Variants in JCAD observed in about 807,000 individuals in gnomAD.
The protein encoded by JCAD is junctional cadherin 5 associated.
A neutral mutation model predicts 98.0 loss-of-function variants in JCAD; 40 were observed. The observed-to-expected ratio is 0.41, with a 90% confidence interval of 0.32 to 0.53. JCAD has a LOEUF of 0.53. Ranked by LOEUF, JCAD falls within the 20% of genes least tolerant of loss-of-function variation. The probability of loss-of-function intolerance (pLI) is 0.31; values close to 1 mark genes in which losing one functional copy is unlikely to be tolerated. For missense variants in JCAD, 1,705 were observed against 1,738.1 expected, an observed-to-expected ratio of 0.98 and a Z score of 0.34; for synonymous variants, 691 against 682.3, an observed-to-expected ratio of 1.01 and a Z score of -0.20.
At chr10:30,070,524 G>A (rs1837865698) in intron 1 of JCAD, among the ~76,000 whole-genome samples, 1 of 152,212 alleles carries the variant, frequency 6.6e-6, no homozygotes, top group Non-Finnish European at 1.5e-5. Flanking sequence ...ATTAGTGGGT[G>A]TATGAATTAT....
intron 2 of JCAD, among the ~76,000 whole-genome samples, chr10:30,067,100 T>C (rs1234199928): frequency 6.6e-6 from 1 of 150,976 alleles, no homozygotes; most frequent in Non-Finnish European, 1.5e-5. Flanking sequence ...AGCCTAAGAG[T>C]TCAAAGCTAC....
intron 1 of JCAD, among the ~76,000 whole-genome samples, chr10:30,054,056 T>C (rs1329483720): frequency 6.6e-6 from 1 of 151,958 alleles, no homozygotes; most frequent in Non-Finnish European, 1.5e-5. Flanking sequence ...TGAGGCTCCA[T>C]CTCAAAAAAA....
intron 2 of JCAD, among the ~76,000 whole-genome samples, chr10:30,039,401 C>G (rs1247942318): frequency 6.6e-6 from 1 of 152,254 alleles, no homozygotes; most frequent in Non-Finnish European, 1.5e-5. Context: ...GATGGGTGGG[C>G]AGCTGGACCG....
Position 30,026,477 on chromosome 10 carries a change from G to A in JCAD, c.3671C>T (p.Pro1224Leu). ...TCTCTTTTCAGAGCCTGCCACACTT[G>A]GGGTTCTTTCTACAAAATGGAATAA... ...STLFHFVERT[P>L]SVAGSEKRLR... is the part of the protein sequence containing the mutation. Residue 1224 changes from proline to leucine, a missense_variant, in exon 3 of 4, where the codon CCA becomes CTA. Coordinates refer to ENST00000375377, the MANE Select transcript of JCAD (RefSeq NM_020848.4). 2 of 1,614,172 alleles carry A rather than the reference G, an allele frequency of 1.2e-6. No individual in the cohort carries two copies. The highest frequency in any genetic ancestry group is 1.7e-6 in the Non-Finnish European group (2 of 1,180,034).
At chr10:30,071,353 G>A (rs1398670148) in intron 1 of JCAD, among the ~76,000 whole-genome samples, 2 of 152,152 alleles carry the variant, frequency 1.3e-5, no homozygotes, top group East Asian at 3.8e-4. Context: ...GTATCAAAGA[G>A]GCACTAGCAT....
rs1837655137 is a variant in JCAD, at chr10:30,059,381, G to A, written c.-60+101C>T. On this transcript the variant is annotated intron_variant, in intron 1 of 3. Coordinates refer to ENST00000375377, the MANE Select transcript of JCAD (RefSeq NM_020848.4). This position sits in a 1 kb window ranked among gnomAD's most constrained non-coding sequence, Gnocchi z 5.0. ...CCGGAGCGACGTCCCAGCTGGAGAAGTTGGGGGGAGTGCGGGAGGCTGCGG... is the reference window on the plus strand; with the variant it reads ...CCGGAGCGACGTCCCAGCTGGAGAAATTGGGGGGAGTGCGGGAGGCTGCGG... 6.6e-6 allele frequency: 1 copy of A among 151,628 alleles called. No homozygotes were observed. Among genetic ancestry groups the A allele is most frequent in the South Asian group, 2.1e-4 (1 of 4,842 alleles). 9.4% of individuals were successfully genotyped at this position (151,628 alleles called of 1,614,324 possible).
chr10:30,024,836 C>CA (rs1159220184), intron 3 of JCAD, among the ~76,000 whole-genome samples: 1 of 151,926 alleles, frequency 6.6e-6, no homozygotes, highest in Non-Finnish European at 1.5e-5. Context: ...GCTGAGACTA[C>CA]AGGCGCCCGC....
intron 1 of JCAD, among the ~76,000 whole-genome samples, chr10:30,108,787 C>T (rs894121634): frequency 6.6e-6 from 1 of 151,826 alleles, no homozygotes; most frequent in African/African-American, 2.4e-5. Context: ...TACATTTCAG[C>T]CTACACACCC....
At chr10:30,071,002 T>C (rs1837875932) in intron 1 of JCAD, among the ~76,000 whole-genome samples, 1 of 152,026 alleles carries the variant, frequency 6.6e-6, no homozygotes, top group African/African-American at 2.4e-5. Context: ...CCCTCCCGAG[T>C]TCAAGCAATT....
rs149372232 is a variant in JCAD at position 30,032,692 on chromosome 10, T to C, written c.282-2826A>G. ...CTCTTTCTACTCAGAGATGGTTACTTTGATACATATCTTCTCACCTGTGTG... is the reference window on the plus strand; with the variant it reads ...CTCTTTCTACTCAGAGATGGTTACTCTGATACATATCTTCTCACCTGTGTG... On this transcript the variant is annotated intron_variant, in intron 2 of 3. Transcript: ENST00000375377. Among the ~76,000 whole-genome samples the C allele has an allele frequency of 3.0e-3, 458 of 152,376 alleles. 12 individuals carry two copies. Among genetic ancestry groups the C allele is most frequent in the Admixed American group, 0.025 (375 of 15,302 alleles).
At chr10:30,092,034 CAAAAAAAAAAAAAAAAAAAA>C (rs1198107053) in intron 1 of JCAD, among the ~76,000 whole-genome samples, 1 of 35,414 alleles carries the variant, frequency 2.8e-5, no homozygotes, top group African/African-American at 1.4e-4. Flanking sequence ...TCCCCCACCA[CAAAAAAAAAAAAAAAAAAAA>C]AAAAAAAAAA....
At chr10:30,044,353 A>C (rs1000748605) in intron 2 of JCAD, among the ~76,000 whole-genome samples, 3 of 152,206 alleles carry the variant, frequency 2.0e-5, no homozygotes, top group African/African-American at 7.2e-5. Context: ...AATGACCTTG[A>C]TCTCCATCTT....
intron 1 of JCAD, among the ~76,000 whole-genome samples, chr10:30,058,389 A>G (rs1013113575): frequency 1.3e-5 from 2 of 151,882 alleles, no homozygotes; most frequent in Non-Finnish European, 1.5e-5. Context: ...GAGTGGGTGT[A>G]GGTGTGGGGA....
rs1389541614 is a variant in JCAD, at chr10:30,013,517, TTC to T, written c.*4364_*4365del. ...CCTTGCTGGGACATATGGTTTTCATTTCTGTTTGCTGCCATATGCTTCTCAAC... is the reference window on the plus strand; with the variant it reads ...CCTTGCTGGGACATATGGTTTTCATTTGTTTGCTGCCATATGCTTCTCAAC... On this transcript the variant is annotated 3_prime_UTR_variant, in exon 4 of 4. Transcript: ENST00000375377. The T allele has an allele frequency of 8.5e-5, 13 of 152,348 alleles. No individual in the cohort carries two copies. Among genetic ancestry groups the T allele is most frequent in the South Asian group, 6.2e-4 (3 of 4,822 alleles). 9.4% of individuals were successfully genotyped at this position (152,348 alleles called of 1,614,324 possible).
At position 30,059,237 on chromosome 10, in the gene JCAD, C is replaced by A. The variant is rs1156887084; in HGVS notation, c.-60+245G>T. Among the ~76,000 whole-genome samples the A allele has an allele frequency of 6.6e-6, 1 of 151,486 alleles. No homozygotes were observed. The highest frequency in any genetic ancestry group is 1.5e-5 in the Non-Finnish European group (1 of 67,802). ...CGGGGCACCTGAGGGGAGGGGACGC[C>A]CCTCCCGGGCTGGCAGGCGCCCTCC... On this transcript the variant is annotated intron_variant, in intron 1 of 3. Transcript: ENST00000375377. The surrounding 1 kb of genome is among the most constrained non-coding windows in gnomAD (Gnocchi z 5.0).
rs1836493533 is a variant in JCAD, at chr10:30,014,487, T to C, written c.*3396A>G. Reference sequence around the variant, plus strand: ...CAAGAGATGCTATCCTGACATTTAATTGTGTATTATTTAATCATTTAAAAC... The same window carrying C: ...CAAGAGATGCTATCCTGACATTTAACTGTGTATTATTTAATCATTTAAAAC... On this transcript the variant is annotated 3_prime_UTR_variant, in exon 4 of 4. Coordinates refer to ENST00000375377, the MANE Select transcript of JCAD (RefSeq NM_020848.4). 6.6e-6 allele frequency: 1 copy of C among 152,210 alleles called. No individual in the cohort carries two copies. The highest frequency in any genetic ancestry group is 2.4e-5 in the African/African-American group (1 of 41,456). The allele number at this position is 152,210 out of a possible 1,614,324, so 9.4% of individuals were successfully genotyped here.
chr10:30,029,870 C>T lies in JCAD; in HGVS notation c.282-4G>A, dbSNP rs781744903. 1.2e-6 allele frequency: 2 copies of T among 1,611,804 alleles called. No homozygotes were observed. The highest frequency in any genetic ancestry group is 1.1e-5 in the South Asian group (1 of 90,960). Reference sequence around the variant, plus strand: ...TGAGGGGGGTTGATTACAAAACCTACAAAACAAAGAGTCACAGACGTTAGG... The same window carrying T: ...TGAGGGGGGTTGATTACAAAACCTATAAAACAAAGAGTCACAGACGTTAGG... On this transcript the variant is annotated splice_region_variant and splice_polypyrimidine_tract_variant and intron_variant, in intron 2 of 3. Transcript: ENST00000375377.
upstream of JCAD, among the ~76,000 whole-genome samples, chr10:30,059,830 A>C (rs960866881): frequency 6.6e-6 from 1 of 152,214 alleles, no homozygotes; most frequent in African/African-American, 2.4e-5. The surrounding 1 kb of genome is among the most constrained non-coding windows in gnomAD (Gnocchi z 5.0). Context: ...ACAGATACAC[A>C]GAAAGCAAAC....
intron 1 of JCAD, among the ~76,000 whole-genome samples, chr10:30,087,945 A>T (rs1181652910): frequency 6.6e-6 from 1 of 152,208 alleles, no homozygotes; most frequent in Non-Finnish European, 1.5e-5. Context: ...GGTTGAAGCC[A>T]TTCTCCTGCC....
Sources: gnomAD v4.1 joint callset for allele counts (sites outside exome capture counted in the v4.1 genomes callset) on GRCh38, gnomAD v4.1.1 for gene constraint, Gnocchi (gnomAD v3.1) non-coding constraint, MANE v1.5 for transcripts, NCBI Gene and HGNC (gene_info 2026-07-23, HGNC 2026-07-21) for gene names.